The following KANK1 variants were observed in gnomAD, a reference collection of about 807,000 sequenced individuals.
The protein encoded by KANK1 is KN motif and ankyrin repeat domain-containing protein 1.
KANK1 carries 109 observed loss-of-function variants against 106.2 expected under a neutral mutation model. The observed-to-expected ratio is 1.03, with a 90% confidence interval of 0.88 to 1.20. KANK1 has a LOEUF of 1.20. Among genes scored for constraint, KANK1 ranks in the 50% most tolerant of loss-of-function variants. KANK1 has a pLI of 0.00. For synonymous variants in KANK1, 873 were observed against 652.2 expected (o/e 1.34, Z -5.16); for missense variants, 2,399 against 1,710.7 (o/e 1.40, Z -7.10).
Position 617,170 on chromosome 9 carries a change from T to C in KANK1, c.-83-59720T>C, listed in dbSNP as rs1363763619. 2.6e-5 allele frequency among the ~76,000 whole-genome samples: 4 copies of C among 152,172 alleles called. No homozygotes were observed. The East Asian group carries it at 5.8e-4, about 22-fold the overall frequency. On this transcript the variant is annotated intron_variant, in intron 1 of 11. Transcript: ENST00000382297. ...GTCTAATAAAATATAATAAAGAGTT[T>C]ATGGTATATTTGAACTGTCCTTAAT...
chr9:677,768 C>G (rs1345517392), intron 2 of KANK1: 1 of 152,164 alleles, frequency 6.6e-6, no homozygotes, highest in Non-Finnish European at 1.5e-5. Flanking sequence ...GTCCAGACTC[C>G]TACGTCTGCT....
intron 3 of KANK1, among the ~76,000 whole-genome samples, chr9:476,933 C>G (rs551196624): frequency 6.6e-6 from 1 of 152,164 alleles, no homozygotes; most frequent in Non-Finnish European, 1.5e-5. Flanking sequence ...TGTGTCTCCC[C>G]GAAATTAGCT....
intron 3 of KANK1, 55 bp from the exon 4 acceptor site, chr9:729,996 G>C: frequency 6.8e-7 from 1 of 1,471,332 alleles, no homozygotes; most frequent in Middle Eastern, 2.0e-4. Flanking sequence ...TTTTGTTGAA[G>C]CCTGCTTTTT....
chr9:740,854 G>C lies in KANK1; in HGVS notation c.3616G>C (p.Ala1206Pro). The change falls in exon 9 of 12, where the codon GCC becomes CCC. Residue 1206 changes from alanine (A) to proline (P), a missense_variant. Physicochemically the swap from Ala to Pro is conservative, Grantham distance 27. Transcript: ENST00000382297. ...CACCCCCATCATGTTGGCGGCCCTC[G>C]CCGCTGTGGAAGCAGAGAAGGACAT... is the stretch of plus-strand genomic sequence containing the variant. ...GYTPIMLAALAAVEAEKDMRI... is the reference protein window; with the variant it reads ...GYTPIMLAALPAVEAEKDMRI... The C allele has an allele frequency of 1.2e-6, 2 of 1,613,478 alleles. No individual in the cohort carries two copies. Among genetic ancestry groups the C allele is most frequent in the South Asian group, 1.1e-5 (1 of 91,048 alleles).
At chr9:650,962 A>G (rs1173910965) in intron 1 of KANK1, among the ~76,000 whole-genome samples, 2 of 152,136 alleles carry the variant, frequency 1.3e-5, no homozygotes, top group Admixed American at 6.6e-5. Context: ...CTGTCAAAGG[A>G]AAAAAAGATG....
Position 742,343 on chromosome 9 carries a change from C to T in KANK1, c.3835C>T (p.His1279Tyr), listed in dbSNP as rs757786007. Residue 1279 changes from histidine (H) to tyrosine (Y), a missense_variant, in exon 10 of 12, where the codon CAC becomes TAC. Transcript: ENST00000382297. ...TALMCASEHGHVEIVKLLLAQ... is the reference protein window; with the variant it reads ...TALMCASEHGYVEIVKLLLAQ... Reference sequence around the variant, plus strand: ...CCTCATGTGTGCCAGCGAGCACGGACACGTGGAGATTGTCAAGCTGCTGCT... The same window carrying T: ...CCTCATGTGTGCCAGCGAGCACGGATACGTGGAGATTGTCAAGCTGCTGCT... 1.9e-6 allele frequency: 3 copies of T among 1,614,132 alleles called. No individual in the cohort carries two copies. The highest frequency in any genetic ancestry group is 2.5e-6 in the Non-Finnish European group (3 of 1,180,012).
chr9:676,158 G>A (rs1816378236), intron 1 of KANK1, among the ~76,000 whole-genome samples: 1 of 152,070 alleles, frequency 6.6e-6, no homozygotes, highest in Non-Finnish European at 1.5e-5. Flanking sequence ...CCTGTATCTT[G>A]TGCTGACCTG....
chr9:696,109 G>A (rs62531215), intron 2 of KANK1, among the ~76,000 whole-genome samples: 1 of 151,806 alleles, frequency 6.6e-6, no homozygotes, highest in Non-Finnish European at 1.5e-5. Flanking sequence ...ATGGTGAAAC[G>A]CCGTCTCTAC....
At chr9:554,382 T>C (rs926898685) in intron 1 of KANK1, among the ~76,000 whole-genome samples, 1 of 152,212 alleles carries the variant, frequency 6.6e-6, no homozygotes, top group African/African-American at 2.4e-5. Context: ...CTTTTTGTTC[T>C]ATTCTGGCCC....
At chr9:578,106 C>T (rs1273038999) in intron 1 of KANK1, among the ~76,000 whole-genome samples, 2 of 152,110 alleles carry the variant, frequency 1.3e-5, no homozygotes, top group Non-Finnish European at 1.5e-5. Context: ...CTGAACTGGC[C>T]ATACTGGGGC....
intron 1 of KANK1, among the ~76,000 whole-genome samples, chr9:576,863 T>C (rs1308130452): frequency 6.6e-6 from 1 of 152,144 alleles, no homozygotes; most frequent in Non-Finnish European, 1.5e-5. Context: ...AAAGCTTGTA[T>C]TGTGTCCGGA....
chr9:735,698 A>T, intron 7 of KANK1: 1 of 412,830 alleles, frequency 2.4e-6, no homozygotes. Flanking sequence ...TCTATATCAT[A>T]ATACCTAATA....
At chr9:485,892 GAAAA>G (rs995405013) in intron 3 of KANK1, among the ~76,000 whole-genome samples, 53 of 147,836 alleles carry the variant, frequency 3.6e-4, no homozygotes, top group African/African-American at 1.1e-3. Flanking sequence ...AAAAAGAAAA[GAAAA>G]AGAGAGAGAG....
At chr9:551,236 G>C (rs1587731196) in intron 1 of KANK1, among the ~76,000 whole-genome samples, 2 of 151,504 alleles carry the variant, frequency 1.3e-5, no homozygotes, top group South Asian at 2.1e-4. Flanking sequence ...AGGGCAAGCA[G>C]AAGACACACA....
Position 712,029 on chromosome 9 carries a change from C to T in KANK1, c.1263C>T (p.Ser421=), listed in dbSNP as rs751062805. Residue 421 remains serine, a synonymous_variant, in exon 3 of 12, where the codon TCC becomes TCT. Transcript: ENST00000382297. The part of the protein sequence containing the change: ...DIVVYHRGSR[S]CKDAAVGTLV... Reference sequence around the variant, plus strand: ...TCGTGTACCACAGAGGCTCCAGGTCCTGTAAGGATGCAGCTGTAGGGACAC... The same window carrying T: ...TCGTGTACCACAGAGGCTCCAGGTCTTGTAAGGATGCAGCTGTAGGGACAC... 3.8e-5 allele frequency: 62 copies of T among 1,613,980 alleles called. No individual in the cohort carries two copies. The highest frequency in any genetic ancestry group is 5.3e-5 in the Non-Finnish European group (62 of 1,180,048).
At chr9:527,245 G>T (rs951779387) in intron 1 of KANK1, among the ~76,000 whole-genome samples, 7 of 151,722 alleles carry the variant, frequency 4.6e-5, no homozygotes, top group Non-Finnish European at 1.0e-4. Flanking sequence ...GGATACTATG[G>T]TATCCTCCTC....
chr9:506,326 A>T (rs950342136), intron 1 of KANK1, among the ~76,000 whole-genome samples: 6 of 152,200 alleles, frequency 3.9e-5, no homozygotes, highest in Non-Finnish European at 8.8e-5. Context: ...AAAATTAAGT[A>T]TTGGCTGTCC....
intron 1 of KANK1, among the ~76,000 whole-genome samples, chr9:554,102 T>C (rs756897991): frequency 7.2e-5 from 11 of 152,214 alleles, no homozygotes; most frequent in Non-Finnish European, 1.2e-4. Flanking sequence ...AGATTCATTA[T>C]AGGAATTGGC....
At chr9:529,252 C>CAT (rs1563721923) in intron 1 of KANK1, among the ~76,000 whole-genome samples, 108 of 151,076 alleles carry the variant, frequency 7.1e-4, no homozygotes, top group African/African-American at 2.6e-3. Context: ...CACACACACA[C>CAT]ACATATACAC....
Sources: gnomAD v4.1 joint callset for allele counts (sites outside exome capture counted in the v4.1 genomes callset) on GRCh38, gnomAD v4.1.1 for gene constraint, MANE v1.5 for transcripts, NCBI Gene and HGNC (gene_info 2026-07-23, HGNC 2026-07-21) for gene names.